TECPR2: variants seen among roughly 807,000 people sequenced by gnomAD.
TECPR2 encodes the protein tectonin beta-propeller repeat-containing protein 2.
In TECPR2, 65 loss-of-function variants were observed where a neutral mutation model predicts 138.1. The observed-to-expected ratio is 0.47, with a 90% CI of 0.39 to 0.58. The LOEUF (loss-of-function observed/expected upper bound fraction) is 0.58. TECPR2 is among the 20% of genes least tolerant of loss of function. TECPR2 has a pLI of 0.00. For missense variants in TECPR2, 1,553 were observed against 1,824.5 expected (o/e 0.85, Z 2.71); for synonymous variants, 746 against 749.8 (o/e 0.99, Z 0.08).
intron 16 of TECPR2, among the ~76,000 whole-genome samples, chr14:102,460,972 G>A (rs1890395856): frequency 6.6e-6 from 1 of 152,008 alleles, no homozygotes; most frequent in South Asian, 2.1e-4. Context: ...TGGGATTACA[G>A]GTGTGAGCCA....
chr14:102,436,824 G>A (rs943861619), intron 9 of TECPR2, among the ~76,000 whole-genome samples: 1 of 152,220 alleles, frequency 6.6e-6, no homozygotes, highest in African/African-American at 2.4e-5. Flanking sequence ...GGACTCAGGT[G>A]AGGGTACTGA....
In TECPR2 at chr14:102,438,141, G is replaced by A. The variant is rs140913653; in HGVS notation, c.2514G>A (p.Pro838=). The change falls in exon 10 of 20, where the codon CCG becomes CCA. Residue 838 remains proline (P), a synonymous_variant. Coordinates refer to ENST00000359520, the MANE Select transcript of TECPR2 (RefSeq NM_014844.5). ...GCGGCCTGTTCTGCAGCGCGTTGCC[G>A]GGCGCCGGGCTGCGCTGGCAGAAGT... is the stretch of plus-strand genomic sequence containing the variant. ...YKGGLFCSAL[P]GAGLRWQKFE... is the part of the protein sequence containing the mutation. 18 of 1,613,692 alleles carry A rather than the reference G, an allele frequency of 1.1e-5. No individual in the cohort carries two copies. The highest frequency in any genetic ancestry group is 2.7e-5 in the African/African-American group (2 of 74,980).
In TECPR2 at chr14:102,497,693, T is replaced by C; in HGVS notation, c.4055T>C (p.Ile1352Thr). 1.2e-6 allele frequency: 2 copies of C among 1,608,824 alleles called. No homozygotes were observed. ...KNPAGDYWKK[I>T]PGSVSCFTVT... ...CCCGCCGGGGACTACTGGAAGAAAA[T>C]TCCCGGCAGCGTGTCGTGTTTCACA... The change falls in exon 19 of 20, where the codon ATT becomes ACT. Residue 1352 changes from isoleucine to threonine, a missense_variant. Coordinates refer to ENST00000359520, the MANE Select transcript of TECPR2 (RefSeq NM_014844.5).
chr14:102,470,841 C>T (rs1181391284), intron 17 of TECPR2, among the ~76,000 whole-genome samples: 4 of 137,464 alleles, frequency 2.9e-5, no homozygotes, highest in East Asian at 2.2e-4. Context: ...TTTTTTGAGA[C>T]GGAGTCTCGC....
intron 6 of TECPR2, among the ~76,000 whole-genome samples, chr14:102,426,504 G>A (rs750715392): frequency 1.3e-5 from 2 of 152,132 alleles, no homozygotes; most frequent in Non-Finnish European, 2.9e-5. Context: ...GAGCTCAGCG[G>A]GCCTCTGACA....
chr14:102,425,723 A>ATG (rs1595118246), intron 6 of TECPR2, among the ~76,000 whole-genome samples: 2 of 150,084 alleles, frequency 1.3e-5, no homozygotes, highest in East Asian at 2.0e-4. Flanking sequence ...TTACAGACGC[A>ATG]TGCCACCACG....
At chr14:102,421,607 C>T (rs1419659080) in intron 5 of TECPR2, among the ~76,000 whole-genome samples, 3 of 152,214 alleles carry the variant, frequency 2.0e-5, no homozygotes, top group South Asian at 2.1e-4. Flanking sequence ...ACAAGTTGGC[C>T]GAGGTCTGGT....
At chr14:102,392,184 G>T (rs1045248601) in intron 2 of TECPR2, among the ~76,000 whole-genome samples, 4 of 151,906 alleles carry the variant, frequency 2.6e-5, no homozygotes, top group African/African-American at 4.8e-5. Flanking sequence ...TAGAGACGGG[G>T]TTTCACTGTG....
rs79124586 is a variant in TECPR2 at position 102,367,447 on chromosome 14, C to T, written c.-73+4331C>T. On this transcript the variant is annotated intron_variant, in intron 1 of 19. Coordinates refer to ENST00000359520, the MANE Select transcript of TECPR2 (RefSeq NM_014844.5). The stretch of plus-strand genomic sequence containing the variant: ...TCTCCCAGCCCTGGGCAACCACTGA[C>T]CTACTCTGCCTACAGCTTGCCTATT... Among the ~76,000 whole-genome samples the T allele has an allele frequency of 7.0e-4, 107 of 152,302 alleles. No homozygotes were observed. The East Asian group carries it at 0.019, about 26-fold the overall frequency.
rs768299541 is a variant in TECPR2, at chr14:102,445,789, C to CTCCTCCTTA, written c.2934-15_2934-7dup. 6.2e-7 allele frequency: 1 copy of CTCCTCCTTA among 1,612,368 alleles called. No homozygotes were observed. Among genetic ancestry groups the CTCCTCCTTA allele is most frequent in the African/African-American group, 1.3e-5 (1 of 74,936 alleles). Reference sequence around the variant, plus strand: ...GCCTATGGGTGCTGACCCCCCTGTTCTCCTCCTTATTTTCAGCGAAAGGCA... The same window carrying CTCCTCCTTA: ...GCCTATGGGTGCTGACCCCCCTGTTCTCCTCCTTATCCTCCTTATTTTCAGCGAAAGGCA... On this transcript the variant is annotated splice_polypyrimidine_tract_variant and intron_variant, in intron 12 of 19. Transcript: ENST00000359520.
At chr14:102,423,391 T>A (rs1567334153) in intron 5 of TECPR2, among the ~76,000 whole-genome samples, 1 of 151,692 alleles carries the variant, frequency 6.6e-6, no homozygotes, top group Non-Finnish European at 1.5e-5. Flanking sequence ...GAGCCCAGAT[T>A]GCGCCATTGC....
Position 102,452,568 on chromosome 14 carries a change from C to G in TECPR2, c.3581C>G (p.Thr1194Arg). ...LDSLGQVFIR[T>R]LSKSCPTGMH... ...AGCCTCGGCCAGGTGTTCATCAGGA[C>G]GCTCTCCAAGAGCTGCCCCACGGGC... Residue 1194 changes from threonine (T) to arginine (R), a missense_variant, in exon 16 of 20, where the codon ACG becomes AGG. By Grantham distance (71) the Thr-to-Arg change is moderately conservative. Coordinates refer to ENST00000359520, the MANE Select transcript of TECPR2 (RefSeq NM_014844.5). The G allele has an allele frequency of 6.2e-7, 1 of 1,609,952 alleles. No individual in the cohort carries two copies. Among genetic ancestry groups the G allele is most frequent in the South Asian group, 1.1e-5 (1 of 90,264 alleles).
At chr14:102,466,816 G>C (rs554591848) in intron 17 of TECPR2, among the ~76,000 whole-genome samples, 1 of 152,154 alleles carries the variant, frequency 6.6e-6, no homozygotes, top group African/African-American at 2.4e-5. Context: ...GTCACTTCCT[G>C]TTCTCACAGA....
chr14:102,419,600 T>C lies in TECPR2; in HGVS notation c.638+4807T>C, dbSNP rs1889124719. ...CTCTTCCAGAGAAAGGGCAGGGCAC[T>C]GAGCACAGGGCAGGTGCAGGCAGGT... is the stretch of plus-strand genomic sequence containing the variant. On this transcript the variant is annotated intron_variant, in intron 5 of 19. Coordinates refer to ENST00000359520, the MANE Select transcript of TECPR2 (RefSeq NM_014844.5). The surrounding 1 kb of genome is among the most constrained non-coding windows in gnomAD (Gnocchi z 4.8). Among the ~76,000 whole-genome samples, 1 of 151,994 alleles carries C rather than the reference T, an allele frequency of 6.6e-6. No homozygotes were observed. Among genetic ancestry groups the C allele is most frequent in the Non-Finnish European group, 1.5e-5 (1 of 68,002 alleles).
At position 102,434,725 on chromosome 14, in the gene TECPR2, A is replaced by G; in HGVS notation, c.1908A>G (p.Gln636=). The part of the protein sequence containing the change: ...DGEDIQPIGP[Q]STFCEVPLLN... ...AAGACATCCAACCCATTGGCCCCCA[A>G]AGCACTTTTTGTGAAGTCCCCCTCC... is the stretch of plus-strand genomic sequence containing the variant. The change falls in exon 9 of 20, where the codon CAA becomes CAG. Residue 636 remains glutamine, a synonymous_variant. Transcript: ENST00000359520. The G allele has an allele frequency of 6.2e-7, 1 of 1,613,788 alleles. No individual in the cohort carries two copies. Among genetic ancestry groups the G allele is most frequent in the Non-Finnish European group, 8.5e-7 (1 of 1,180,026 alleles).
chr14:102,406,820 C>T (rs1393841527), intron 2 of TECPR2, among the ~76,000 whole-genome samples: 1 of 152,116 alleles, frequency 6.6e-6, no homozygotes, highest in Non-Finnish European at 1.5e-5. Flanking sequence ...CACCACTGCC[C>T]TCCTACCTAG....
chr14:102,432,298 TACAC>T (rs10650505), intron 8 of TECPR2, among the ~76,000 whole-genome samples, 170 bp downstream of exon 8: 2 of 148,798 alleles, frequency 1.3e-5, no homozygotes, highest in Non-Finnish European at 3.0e-5. Context: ...TAACGGAAAA[TACAC>T]ACACACACAC....
chr14:102,442,241 T>A (rs1193138421), intron 11 of TECPR2, among the ~76,000 whole-genome samples: 1 of 152,218 alleles, frequency 6.6e-6, no homozygotes, highest in Admixed American at 6.5e-5. Context: ...CCTCCCAAAA[T>A]GCTGGCATTA....
chr14:102,435,244 G>A lies in TECPR2; in HGVS notation c.2394+33G>A, dbSNP rs116932141. On this transcript the variant is annotated intron_variant, in intron 9 of 19. Coordinates refer to ENST00000359520, the MANE Select transcript of TECPR2 (RefSeq NM_014844.5). ...GGTTCGGGTGGTGGGAAAAGTAGCT[G>A]AGGCTTCTTTCTTAAGGGTAATAAT... 3.6e-5 allele frequency: 56 copies of A among 1,559,694 alleles called. No individual in the cohort carries two copies. In the East Asian group the frequency reaches 1.2e-3, roughly 34 times the overall value.
Sources: allele counts gnomAD v4.1 joint callset (sites outside exome capture counted in the v4.1 genomes callset), GRCh38; gene constraint gnomAD v4.1.1; non-coding constraint Gnocchi (gnomAD v3.1); transcripts MANE v1.5; gene names NCBI Gene and HGNC (gene_info 2026-07-23, HGNC 2026-07-21).